PLS3: variants seen among roughly 807,000 people sequenced by gnomAD.
The protein encoded by PLS3 is plastin-3.
A neutral mutation model predicts 46.5 loss-of-function variants in PLS3; 11 were observed. That is an observed-to-expected ratio of 0.24 (90% confidence interval 0.15 to 0.39). The LOEUF (loss-of-function observed/expected upper bound fraction) is 0.39. Ranked by LOEUF, PLS3 falls within the 10% of genes least tolerant of loss-of-function variation. The probability of loss-of-function intolerance (pLI) is 1.00; values close to 1 mark genes in which losing one functional copy is unlikely to be tolerated. For synonymous variants in PLS3, 167 were observed against 162.2 expected (o/e 1.03, Z -0.22); for missense variants, 308 against 461.8 (o/e 0.67, Z 3.05).
At chrX:115,601,401 T>G (rs1452863706) in intron 1 of PLS3, among the ~76,000 whole-genome samples, 4 of 106,368 alleles carry the variant, frequency 3.8e-5, no homozygotes, top group African/African-American at 1.4e-4. Context: ...CAGGAGATTA[T>G]CAGGAGATTA....
At chrX:115,644,625 A>G (rs2074933056) in intron 10 of PLS3, among the ~76,000 whole-genome samples, 1 of 109,896 alleles carries the variant, frequency 9.1e-6, no homozygotes, top group South Asian at 3.8e-4. Flanking sequence ...TAAATAAATA[A>G]ATAAATAATG....
intron 1 of PLS3, among the ~76,000 whole-genome samples, chrX:115,568,313 A>G (rs2074190685): frequency 8.9e-6 from 1 of 112,107 alleles, no homozygotes; most frequent in African/African-American, 3.2e-5. Context: ...GATGTTTTCA[A>G]TCACTTTGCT....
At chrX:115,575,480 G>A (rs1556631068) in intron 1 of PLS3, among the ~76,000 whole-genome samples, 1 of 111,771 alleles carries the variant, frequency 8.9e-6, no homozygotes, top group Non-Finnish European at 1.9e-5. Context: ...GTCTGGCTCT[G>A]CTGCCCAGGC....
intron 1 of PLS3, among the ~76,000 whole-genome samples, chrX:115,577,491 T>C (rs2074255604): frequency 9.7e-6 from 1 of 102,603 alleles, no homozygotes; most frequent in Admixed American, 1.1e-4. Flanking sequence ...ATTTTTTTTT[T>C]AATTGAGACG....
At chrX:115,585,957 A>G (rs1326867173) in intron 1 of PLS3, among the ~76,000 whole-genome samples, 2 of 111,114 alleles carry the variant, frequency 1.8e-5, no homozygotes, top group Non-Finnish European at 3.8e-5. Flanking sequence ...TGCAAGAGAA[A>G]GAAATTCTTA....
chrX:115,645,198 A>C, intron 11 of PLS3, 99 bp downstream of exon 11: 1 of 554,503 alleles, frequency 1.8e-6, no homozygotes, highest in Non-Finnish European at 3.0e-6. Flanking sequence ...ATTTGTAGCT[A>C]TTATTTATAT....
At chrX:115,643,630 C>A in intron 10 of PLS3, 122 bp downstream of exon 10, 1 of 440,963 alleles carries the variant, frequency 2.3e-6, no homozygotes, top group Non-Finnish European at 3.9e-6. Context: ...ATGGCAGATG[C>A]TGAGTAAAAA....
chrX:115,634,343 A>G (rs1232623983), intron 6 of PLS3, among the ~76,000 whole-genome samples: 1 of 112,287 alleles, frequency 8.9e-6, no homozygotes, highest in Admixed American at 9.5e-5. Flanking sequence ...GTGTTCAAGC[A>G]CTACAGAGAT....
intron 5 of PLS3, among the ~76,000 whole-genome samples, chrX:115,632,932 C>T (rs782286652): frequency 9.1e-6 from 1 of 109,929 alleles, no homozygotes; most frequent in African/African-American, 3.3e-5. Context: ...GATGGGGTTT[C>T]ACCATCTTGC....
At chrX:115,579,879 C>T (rs1413020259) in intron 1 of PLS3, among the ~76,000 whole-genome samples, 1 of 110,640 alleles carries the variant, frequency 9.0e-6, no homozygotes, top group Non-Finnish European at 1.9e-5. Flanking sequence ...ACTACAGGTG[C>T]ACACCACCAT....
In PLS3 at chrX:115,561,221, C is replaced by T. The variant is rs781883526; in HGVS notation, c.-48C>T. On this transcript the variant is annotated 5_prime_UTR_variant, in exon 1 of 16. Coordinates refer to ENST00000355899, the MANE Select transcript of PLS3 (RefSeq NM_005032.7). ...GCAGAAGTTGTCTGAGTGGGTTGGTCGGCGGCAGTCGGGCCAGACCCAGGA... is the reference window on the plus strand; with the variant it reads ...GCAGAAGTTGTCTGAGTGGGTTGGTTGGCGGCAGTCGGGCCAGACCCAGGA... 41 of 112,107 alleles carry T rather than the reference C, an allele frequency of 3.7e-4. 1 individual carries two copies. The highest frequency in any genetic ancestry group is 1.3e-3 in the African/African-American group (40 of 30,842). 9.2% of individuals were successfully genotyped at this position (112,107 alleles called of 1,213,427 possible).
At chrX:115,620,170 T>A (rs2074634704) in intron 2 of PLS3, among the ~76,000 whole-genome samples, 1 of 111,090 alleles carries the variant, frequency 9.0e-6, no homozygotes, top group Non-Finnish European at 1.9e-5. Flanking sequence ...TTCCATGGAA[T>A]ACATTGGCCT....
intron 11 of PLS3, 42 bp from the exon 12 acceptor site, chrX:115,646,030 A>G: frequency 1.3e-6 from 1 of 764,340 alleles, no homozygotes; most frequent in Non-Finnish European, 2.0e-6. Flanking sequence ...GTCAAGTCCC[A>G]GCTTCCTGAA....
At chrX:115,592,607 T>G (rs1556633276) in intron 1 of PLS3, among the ~76,000 whole-genome samples, 1 of 111,871 alleles carries the variant, frequency 8.9e-6, no homozygotes, top group South Asian at 3.7e-4. Flanking sequence ...AACCACTTGC[T>G]TGATTTAGGA....
At chrX:115,573,083 G>A (rs2074226148) in intron 1 of PLS3, among the ~76,000 whole-genome samples, 1 of 78,592 alleles carries the variant, frequency 1.3e-5, no homozygotes, top group Non-Finnish European at 2.2e-5. Context: ...ACAAGAGTGA[G>A]ACTCCGTCTC....
At chrX:115,630,788 A>G (rs1480679870) in intron 5 of PLS3, among the ~76,000 whole-genome samples, 1 of 96,519 alleles carries the variant, frequency 1.0e-5, no homozygotes. Context: ...ATATATATGT[A>G]TATATACAAA....
chrX:115,645,127 A>G (rs374439722), intron 11 of PLS3, 28 bp downstream of exon 11: 1 of 876,167 alleles, frequency 1.1e-6, no homozygotes, highest in Non-Finnish European at 1.7e-6. Flanking sequence ...TATTGTAAAC[A>G]GTTACGAATG....
chrX:115,620,214 C>G (rs1556637308), intron 2 of PLS3, among the ~76,000 whole-genome samples: 1 of 110,057 alleles, frequency 9.1e-6, no homozygotes, highest in African/African-American at 3.3e-5. Flanking sequence ...GCTCCCCGAC[C>G]TTATCTCTCA....
In PLS3 at chrX:115,646,475, A is replaced by G; in HGVS notation, c.1451A>G (p.Gln484Arg). 1 of 1,211,016 alleles carries G rather than the reference A, an allele frequency of 8.3e-7. No individual in the cohort carries two copies. The highest frequency in any genetic ancestry group is 1.1e-6 in the Non-Finnish European group (1 of 894,571). The change falls in exon 13 of 16, where the codon CAA (glutamine) becomes CGA (arginine). Residue 484 changes from glutamine (Q) to arginine (R), a missense_variant. By Grantham distance (43) the Gln-to-Arg change is conservative. Coordinates refer to ENST00000355899, the MANE Select transcript of PLS3 (RefSeq NM_005032.7). ...TTCTCCCTGGTTGGCATTGGAGGGC[A>G]AGACCTGAATGATGGGAACCAAACC... ...AKFSLVGIGG[Q>R]DLNDGNQTLT...
Sources: allele counts gnomAD v4.1 joint callset (sites outside exome capture counted in the v4.1 genomes callset), GRCh38; gene constraint gnomAD v4.1.1; transcripts MANE v1.5; gene names NCBI Gene and HGNC (gene_info 2026-07-23, HGNC 2026-07-21).